The following QTRT2 variants were observed in gnomAD, a reference collection of about 807,000 sequenced individuals.
QTRT2 encodes queuine tRNA-ribosyltransferase accessory subunit 2.
QTRT2 carries 32 observed loss-of-function variants against 44.8 expected under a neutral mutation model. The ratio of observed to expected loss-of-function variants is 0.71; its 90% CI spans 0.54 to 0.96. QTRT2 has a LOEUF of 0.96. QTRT2 is among the 40% of genes least tolerant of loss of function. The probability of loss-of-function intolerance (pLI) is 0.00; values close to 1 mark genes in which losing one functional copy is unlikely to be tolerated. For synonymous variants in QTRT2, 182 were observed against 187.4 expected (o/e 0.97, Z 0.24); for missense variants, 461 against 503.1 (o/e 0.92, Z 0.80).
intron 2 of QTRT2, among the ~76,000 whole-genome samples, chr3:114,061,632 C>T (rs1168273755): frequency 6.6e-6 from 1 of 152,050 alleles, no homozygotes; most frequent in East Asian, 1.9e-4. Context: ...GCTGGAGTGC[C>T]AGTGGCGTGA....
chr3:114,065,481 A>C, intron 3 of QTRT2, 24 bp downstream of exon 3: 1 of 1,568,230 alleles, frequency 6.4e-7, no homozygotes, highest in Non-Finnish European at 8.8e-7. Flanking sequence ...CCAATGATTC[A>C]AGTATCAACT....
intron 3 of QTRT2, 63 bp from the exon 4 acceptor site, chr3:114,066,165 T>C: frequency 2.5e-6 from 3 of 1,200,426 alleles, no homozygotes; most frequent in Non-Finnish European, 3.7e-6. Context: ...AGGGCTCCAG[T>C]TGTACAGAGT....
At chr3:114,064,564 T>G (rs568304445) in intron 2 of QTRT2, among the ~76,000 whole-genome samples, 2 of 152,358 alleles carry the variant, frequency 1.3e-5, no homozygotes, top group South Asian at 4.1e-4. Flanking sequence ...ATTTTTTTCT[T>G]TAAACACATA....
intron 2 of QTRT2, among the ~76,000 whole-genome samples, chr3:114,060,488 GTAGGTAGGTAGATAGATAGATAGATAGA>G (rs1219077184): frequency 7.4e-6 from 1 of 134,788 alleles, no homozygotes; most frequent in Non-Finnish European, 1.6e-5. Flanking sequence ...AGGTAGGTAG[GTAGGTAGGTAGATAGATAGATAGATAGA>G]TAGATAGATA....
chr3:114,061,169 CCTT>C lies in QTRT2; in HGVS notation c.-21-4060_-21-4058del, dbSNP rs200392333. Among the ~76,000 whole-genome samples, 863 of 152,182 alleles carry C rather than the reference CCTT, an allele frequency of 5.7e-3. 10 individuals are homozygous for C. Among genetic ancestry groups the C allele is most frequent in the African/African-American group, 0.02 (830 of 41,516 alleles). On this transcript the variant is annotated intron_variant, in intron 2 of 9. Coordinates refer to ENST00000281273, the MANE Select transcript of QTRT2 (RefSeq NM_024638.4). ...GTTTCCTTTTAGTTGCCTTTATGTA[CCTT>C]CTTCTTCCCATTCTGATTCTATGCT...
intron 4 of QTRT2, among the ~76,000 whole-genome samples, chr3:114,067,076 T>C (rs1447602876): frequency 6.6e-6 from 1 of 152,184 alleles, no homozygotes; most frequent in East Asian, 1.9e-4. Flanking sequence ...AAATCCTGTT[T>C]CCATTGGTTA....
At position 114,076,914 on chromosome 3, in the gene QTRT2, A is replaced by G. The variant is rs1390391870; in HGVS notation, c.718A>G (p.Thr240Ala). Residue 240 changes from threonine to alanine, a missense_variant, in exon 7 of 10, where the codon ACT (threonine) becomes GCT (alanine). Physicochemically the swap from Thr to Ala is moderately conservative, Grantham distance 58. Transcript: ENST00000281273. ...TAGACTACGCTTGCTGTCATCAGTC[A>G]CTGCAGAGCTGCCGGAGGACAAGCC... ...EARLRLLSSVTAELPEDKPRL... is the reference protein window; with the variant it reads ...EARLRLLSSVAAELPEDKPRL... The G allele has an allele frequency of 6.2e-7, 1 of 1,614,052 alleles. No homozygotes were observed. Among genetic ancestry groups the G allele is most frequent in the Non-Finnish European group, 8.5e-7 (1 of 1,180,032 alleles).
Position 114,065,245 on chromosome 3 carries a change from A to T in QTRT2, c.-13A>T, listed in dbSNP as rs1176615700. On this transcript the variant is annotated 5_prime_UTR_variant, in exon 3 of 10. The change creates a new upstream start codon in the 5' untranslated region. Coordinates refer to ENST00000281273, the MANE Select transcript of QTRT2 (RefSeq NM_024638.4). ...TGCTCTTTTCTTGACAGGACCTAGA[A>T]GAATCCCTTAGGATGAAGCTGAGTC... The T allele has an allele frequency of 1.2e-6, 2 of 1,613,038 alleles. No homozygotes were observed. The highest frequency in any genetic ancestry group is 4.5e-5 in the East Asian group (2 of 44,880).
Position 114,056,870 on chromosome 3 carries a change from T to G in QTRT2, c.-130+6T>G. On this transcript the variant is annotated splice_donor_region_variant and intron_variant, in intron 1 of 9. Transcript: ENST00000281273. ...GTCGAATGGTTTGTTGGCAGGTAAGTGCCCCTTTGCCCTGCTGGTGTGGGA... is the reference window on the plus strand; with the variant it reads ...GTCGAATGGTTTGTTGGCAGGTAAGGGCCCCTTTGCCCTGCTGGTGTGGGA... The G allele has an allele frequency of 1.3e-6, 2 of 1,535,868 alleles. No individual in the cohort carries two copies. Among genetic ancestry groups the G allele is most frequent in the Non-Finnish European group, 1.7e-6 (2 of 1,146,766 alleles).
intron 9 of QTRT2, among the ~76,000 whole-genome samples, chr3:114,083,380 G>A (rs2107807786): frequency 6.6e-6 from 1 of 151,900 alleles, no homozygotes; most frequent in Non-Finnish European, 1.5e-5. Context: ...ATACTTACCT[G>A]GCTGAACATC....
At chr3:114,061,087 A>G (rs1322560389) in intron 2 of QTRT2, among the ~76,000 whole-genome samples, 2 of 152,194 alleles carry the variant, frequency 1.3e-5, no homozygotes, top group Admixed American at 6.5e-5. Flanking sequence ...GTCCATGGGT[A>G]ACTGAAACTG....
At position 114,088,231 on chromosome 3, in the gene QTRT2, A is replaced by G. The variant is rs978717557; in HGVS notation, c.*2327A>G. Reference sequence around the variant, plus strand: ...TCTAAAACACTGAAAACTGTGTCCAATATCGTTCAGTTTCCTGGGTCTTTT... The same window carrying G: ...TCTAAAACACTGAAAACTGTGTCCAGTATCGTTCAGTTTCCTGGGTCTTTT... On this transcript the variant is annotated 3_prime_UTR_variant, in exon 10 of 10. Transcript: ENST00000281273. 1.3e-5 allele frequency: 2 copies of G among 152,222 alleles called. No homozygotes were observed. The highest frequency in any genetic ancestry group is 4.8e-5 in the African/African-American group (2 of 41,450). 9.4% of individuals were successfully genotyped at this position (152,222 alleles called of 1,614,324 possible).
chr3:114,071,932 C>T (rs1178266062), intron 6 of QTRT2, among the ~76,000 whole-genome samples: 1 of 152,182 alleles, frequency 6.6e-6, no homozygotes, highest in Non-Finnish European at 1.5e-5. Flanking sequence ...TGTGATGTGG[C>T]CTCTACCTAC....
intron 2 of QTRT2, among the ~76,000 whole-genome samples, chr3:114,059,902 C>T (rs1324349243): frequency 1.3e-5 from 2 of 152,190 alleles, no homozygotes; most frequent in African/African-American, 4.8e-5. Flanking sequence ...AGGTATTTCT[C>T]TCCAGCTGGC....
intron 2 of QTRT2, among the ~76,000 whole-genome samples, chr3:114,063,868 T>A (rs1487763992): frequency 6.6e-6 from 1 of 152,150 alleles, no homozygotes; most frequent in Non-Finnish European, 1.5e-5. Context: ...ATTTATTTGG[T>A]GACATTTTAA....
chr3:114,066,161 C>G (rs573532624), intron 3 of QTRT2, 67 bp from the exon 4 acceptor site: 3 of 1,138,040 alleles, frequency 2.6e-6, no homozygotes, highest in Non-Finnish European at 2.6e-6. Flanking sequence ...GAAGAGGGCT[C>G]CAGTTGTACA....
At chr3:114,083,643 A>G (rs1375810276) in intron 9 of QTRT2, among the ~76,000 whole-genome samples, 2 of 152,152 alleles carry the variant, frequency 1.3e-5, no homozygotes, top group Admixed American at 6.6e-5. Flanking sequence ...AGAAGATCCT[A>G]TGGCTTGTGA....
rs745334276 is a variant in QTRT2, at chr3:114,070,633, CTG to C, written c.346_347del (p.Trp116GlufsTer36). On this transcript the variant is annotated frameshift_variant, in exon 6 of 10. Transcript: ENST00000281273. LOFTEE classifies it high-confidence loss of function. ...CATTTTGCTCCATGGCAGTCTGTGT[CTG>C]TGTGGAGTGTTGCAGGACGAGTGGA... 3 of 1,613,884 alleles carry C rather than the reference CTG, an allele frequency of 1.9e-6. No individual in the cohort carries two copies. The highest frequency in any genetic ancestry group is 2.2e-5 in the South Asian group (2 of 91,036).
Position 114,070,619 on chromosome 3 carries a change from A to G in QTRT2, c.334-7A>G, listed in dbSNP as rs2107794213. On this transcript the variant is annotated splice_region_variant and splice_polypyrimidine_tract_variant and intron_variant, in intron 5 of 9. Coordinates refer to ENST00000281273, the MANE Select transcript of QTRT2 (RefSeq NM_024638.4). ...TGCTAATTCCTCATCATTTTGCTCC[A>G]TGGCAGTCTGTGTCTGTGTGGAGTG... The G allele has an allele frequency of 6.2e-7, 1 of 1,613,394 alleles. No homozygotes were observed. The highest frequency in any genetic ancestry group is 8.5e-7 in the Non-Finnish European group (1 of 1,179,424).
Sources: gnomAD v4.1 joint callset for allele counts (sites outside exome capture counted in the v4.1 genomes callset) on GRCh38, gnomAD v4.1.1 for gene constraint, MANE v1.5 for transcripts, NCBI Gene and HGNC (gene_info 2026-07-23, HGNC 2026-07-21) for gene names.